DGKK: variants seen among roughly 807,000 people sequenced by gnomAD.
The protein encoded by DGKK is diacylglycerol kinase kappa, also known as 142 kDa diacylglycerol kinase.
In DGKK, 35 loss-of-function variants were observed where a neutral mutation model predicts 92.2. That is an observed-to-expected ratio of 0.38 (90% CI 0.29 to 0.50). The LOEUF (loss-of-function observed/expected upper bound fraction) is 0.50, where lower values mean the gene tolerates loss of function less well. Ranked by LOEUF, DGKK falls within the 20% of genes least tolerant of loss-of-function variation. The probability of loss-of-function intolerance (pLI) is 0.92; values close to 1 mark genes in which losing one functional copy is unlikely to be tolerated. For missense variants in DGKK, 910 were observed against 992.2 expected, an observed-to-expected ratio of 0.92 and a Z score of 1.11; for synonymous variants, 368 against 360.6, an observed-to-expected ratio of 1.02 and a Z score of -0.23.
chrX:50,426,362 T>C (rs1557229727), intron 1 of DGKK, among the ~76,000 whole-genome samples: 1 of 112,276 alleles, frequency 8.9e-6, no homozygotes, highest in Non-Finnish European at 1.9e-5. Flanking sequence ...AGTCATGGGC[T>C]AGTAAACAAA....
At chrX:50,440,255 C>T (rs998235752) in intron 1 of DGKK, among the ~76,000 whole-genome samples, 3 of 111,655 alleles carry the variant, frequency 2.7e-5, no homozygotes, top group Non-Finnish European at 3.8e-5. Flanking sequence ...CATAGCATAA[C>T]GTAATTCTGG....
Position 50,375,056 on chromosome X carries a change from G to A in DGKK, c.3416C>T (p.Thr1139Ile). Residue 1139 changes from threonine to isoleucine, a missense_variant and splice_region_variant, in exon 25 of 28, where the codon ACT becomes ATT. Physicochemically the swap from Thr to Ile is moderately conservative, Grantham distance 89. Transcript: ENST00000611977. ...ATCTACGGCATCATTTCTGCTTAGA[G>A]TCTGAGAGGAAAAGAACGGAAAAGG... is the stretch of plus-strand genomic sequence containing the variant. ...MGAASCIPIETLSRNDAVDVT... is the reference protein window; with the variant it reads ...MGAASCIPIEILSRNDAVDVT... The A allele has an allele frequency of 8.3e-7, 1 of 1,198,062 alleles. No individual in the cohort carries two copies.
chrX:50,393,457 TGAG>T, intron 8 of DGKK, 122 bp from the exon 9 acceptor site: 1 of 555,778 alleles, frequency 1.8e-6, no homozygotes. Context: ...CTTTTGAAAA[TGAG>T]GAGCAGAGGA....
intron 1 of DGKK, among the ~76,000 whole-genome samples, chrX:50,447,357 A>ATTATATATATATATAAT (rs59456316): frequency 1.2e-4 from 1 of 8,159 alleles, no homozygotes; most frequent in Non-Finnish European, 1.8e-4. Flanking sequence ...ATATATATAT[A>ATTATATATATATATAAT]ATATATATAT....
At chrX:50,374,517 G>A (rs191135905) in intron 25 of DGKK, among the ~76,000 whole-genome samples, 1,343 of 111,222 alleles carry the variant, frequency 0.012, 9 homozygotes, top group South Asian at 0.028. Flanking sequence ...CTTAGGAAAC[G>A]AATATATTAA....
intron 1 of DGKK, among the ~76,000 whole-genome samples, chrX:50,464,543 T>A (rs1246931636): frequency 9.0e-6 from 1 of 110,745 alleles, no homozygotes; most frequent in African/African-American, 3.3e-5. Flanking sequence ...TATCTGCCCT[T>A]AAAAAGATTT....
intron 8 of DGKK, among the ~76,000 whole-genome samples, chrX:50,397,994 T>C (rs969302271): frequency 4.5e-5 from 5 of 111,269 alleles, no homozygotes; most frequent in African/African-American, 1.6e-4. Flanking sequence ...TGTTTAATTT[T>C]GAGCTGGACC....
rs1446068231 is a variant in DGKK at position 50,377,919 on chromosome X, G to A, written c.3111+179C>T. ...CCTGGGAACTATGCAACCCTATGTG[G>A]TTCAGTGGGTCTGGTGTGGGGGCCC... On this transcript the variant is annotated intron_variant, in intron 22 of 27. Coordinates refer to ENST00000611977, the MANE Select transcript of DGKK (RefSeq NM_001013742.4). Among the ~76,000 whole-genome samples the A allele has an allele frequency of 1.3e-4, 14 of 111,057 alleles. No individual in the cohort carries two copies. The East Asian group carries it at 4.0e-3, about 32-fold the overall frequency.
At chrX:50,434,504 T>C in intron 1 of DGKK, among the ~76,000 whole-genome samples, 1 of 111,238 alleles carries the variant, frequency 9.0e-6, no homozygotes, top group African/African-American at 3.3e-5. Context: ...TATCATGATC[T>C]GACTTGGGTG....
Position 50,387,774 on chromosome X carries a change from T to C in DGKK, c.2019-121A>G, listed in dbSNP as rs943050462. 6.2e-6 allele frequency: 3 copies of C among 484,368 alleles called. No homozygotes were observed. In the East Asian group the frequency reaches 1.1e-4, roughly 18 times the overall value. The allele number at this position is 484,368 out of a possible 1,213,427, so 39.9% of individuals were successfully genotyped here. On this transcript the variant is annotated intron_variant, in intron 13 of 27. Coordinates refer to ENST00000611977, the MANE Select transcript of DGKK (RefSeq NM_001013742.4). ...TCTTTCCTGATCTGTCCTCTTTCTC[T>C]CACCCTCTGCTCCCAGCCTTTTTCT...
rs782473106 is a variant in DGKK at position 50,406,368 on chromosome X, C to T, written c.943-2184G>A. On this transcript the variant is annotated intron_variant, in intron 4 of 27. Transcript: ENST00000611977. The stretch of plus-strand genomic sequence containing the variant: ...AGTATGTGTGGCGATTGAACTGTGT[C>T]CCCTCAGAAATATGTTCAAGTCCTA... 1.8e-3 allele frequency among the ~76,000 whole-genome samples: 205 copies of T among 111,790 alleles called. 1 individual carries two copies. Among genetic ancestry groups the T allele is most frequent in the African/African-American group, 6.0e-3 (185 of 30,746 alleles).
At chrX:50,453,610 C>G (rs1256138995) in intron 1 of DGKK, among the ~76,000 whole-genome samples, 1 of 111,268 alleles carries the variant, frequency 9.0e-6, no homozygotes, top group Non-Finnish European at 1.9e-5. Flanking sequence ...ATACAGGAAA[C>G]AAAACTGAGA....
rs782261452 is a variant in DGKK at position 50,434,977 on chromosome X, C to CT, written c.646-10620dup. Among the ~76,000 whole-genome samples, 65 of 112,129 alleles carry CT rather than the reference C, an allele frequency of 5.8e-4. No homozygotes were observed. In the South Asian group the frequency reaches 7.5e-3, roughly 13 times the overall value. On this transcript the variant is annotated intron_variant, in intron 1 of 27. Coordinates refer to ENST00000611977, the MANE Select transcript of DGKK (RefSeq NM_001013742.4). ...AGTATGCTTACACAAACCTAGATAC[C>CT]TAGATGGTATTGCCTACTACACACC...
intron 12 of DGKK, among the ~76,000 whole-genome samples, chrX:50,389,941 T>C (rs781940017): frequency 9.0e-5 from 10 of 111,538 alleles, no homozygotes; most frequent in African/African-American, 2.3e-4. Context: ...CTGAGATAGA[T>C]CTTCCTGCTA....
At chrX:50,439,692 A>C (rs868915559) in intron 1 of DGKK, among the ~76,000 whole-genome samples, 4 of 111,236 alleles carry the variant, frequency 3.6e-5, no homozygotes, top group Non-Finnish European at 5.7e-5. Flanking sequence ...GGTACTTTTG[A>C]TTTGTGTGGA....
intron 1 of DGKK, among the ~76,000 whole-genome samples, chrX:50,454,260 C>G (rs1926558426): frequency 9.0e-6 from 1 of 111,098 alleles, no homozygotes; most frequent in African/African-American, 3.3e-5. Context: ...TATTTGTATA[C>G]TTGGTCTTAT....
chrX:50,413,314 C>T (rs995337513), intron 4 of DGKK, among the ~76,000 whole-genome samples: 6 of 112,044 alleles, frequency 5.4e-5, no homozygotes, highest in African/African-American at 1.9e-4. Context: ...GATGTTTTGG[C>T]TCTGACCCCC....
intron 11 of DGKK, among the ~76,000 whole-genome samples, chrX:50,391,193 C>T (rs1924685665): frequency 9.0e-6 from 1 of 111,280 alleles, no homozygotes; most frequent in African/African-American, 3.3e-5. Context: ...TCATGGCCCA[C>T]TGCAGCCTTA....
intron 1 of DGKK, among the ~76,000 whole-genome samples, chrX:50,467,823 G>T (rs1178457306): frequency 8.9e-6 from 1 of 112,459 alleles, no homozygotes; most frequent in Non-Finnish European, 1.9e-5. Flanking sequence ...CAACATTGAG[G>T]GTGTTGTAAA....
Sources: allele counts gnomAD v4.1 joint callset (sites outside exome capture counted in the v4.1 genomes callset), GRCh38; gene constraint gnomAD v4.1.1; transcripts MANE v1.5; gene names NCBI Gene and HGNC (gene_info 2026-07-23, HGNC 2026-07-21).